Variants in IQCM observed in about 807,000 individuals in gnomAD.
IQCM encodes IQ domain-containing protein M.
A neutral mutation model predicts 57.6 loss-of-function variants in IQCM; 45 were observed. That is an observed-to-expected ratio of 0.78 (90% CI 0.62 to 1.00). IQCM has a LOEUF of 1.00. Among genes scored for constraint, IQCM ranks in the 50% least tolerant of loss-of-function variants. The pLI, the probability that IQCM is intolerant of heterozygous loss-of-function variation, is 0.00. For synonymous variants in IQCM, 148 were observed against 158.9 expected (o/e 0.93, Z 0.51); for missense variants, 468 against 511.6 (o/e 0.91, Z 0.82).
intron 8 of IQCM, among the ~76,000 whole-genome samples, chr4:149,613,141 G>A (rs1401218479): frequency 1.3e-5 from 2 of 151,936 alleles, no homozygotes; most frequent in African/African-American, 2.4e-5. Flanking sequence ...TTTATCAAAT[G>A]TAACCCATTA....
At chr4:149,669,702 C>T (rs1029498549) in intron 7 of IQCM, among the ~76,000 whole-genome samples, 6 of 152,214 alleles carry the variant, frequency 3.9e-5, no homozygotes, top group East Asian at 1.9e-4. Flanking sequence ...TATGGCTAGC[C>T]GGTTTTCCCA....
chr4:149,506,475 A>G (rs115814714), intron 12 of IQCM, among the ~76,000 whole-genome samples: 2 of 152,306 alleles, frequency 1.3e-5, no homozygotes, highest in Admixed American at 6.5e-5. Flanking sequence ...TTCCATGTCA[A>G]GTGATACTAT....
chr4:149,498,072 C>T (rs1391044923), intron 12 of IQCM, among the ~76,000 whole-genome samples: 3 of 152,066 alleles, frequency 2.0e-5, no homozygotes, highest in African/African-American at 7.2e-5. Flanking sequence ...CCACCATTAC[C>T]CTGTACCCAA....
At chr4:149,647,351 TA>T (rs565485788) in intron 7 of IQCM, among the ~76,000 whole-genome samples, 32 of 151,428 alleles carry the variant, frequency 2.1e-4, no homozygotes, top group African/African-American at 7.0e-4. Flanking sequence ...ATTTTTTTTT[TA>T]TTCTAAAGTA....
intron 12 of IQCM, among the ~76,000 whole-genome samples, chr4:149,484,380 T>C (rs1039467397): frequency 6.6e-6 from 1 of 151,974 alleles, no homozygotes; most frequent in Non-Finnish European, 1.5e-5. Flanking sequence ...GTCTTTTCTG[T>C]TTCCTTCACC....
At chr4:149,535,805 A>C (rs189856112) in intron 12 of IQCM, among the ~76,000 whole-genome samples, 1 of 152,076 alleles carries the variant, frequency 6.6e-6, no homozygotes, top group Admixed American at 6.6e-5. Flanking sequence ...TGGAGTAACA[A>C]CTCACATGAC....
At chr4:149,505,480 T>A in intron 12 of IQCM, among the ~76,000 whole-genome samples, 1 of 152,284 alleles carries the variant, frequency 6.6e-6, no homozygotes, top group African/African-American at 2.4e-5. Flanking sequence ...TCCCAAAACT[T>A]GTATTTTTTA....
chr4:149,416,915 G>A (rs1013552726), intron 13 of IQCM, among the ~76,000 whole-genome samples: 2 of 152,222 alleles, frequency 1.3e-5, no homozygotes, highest in South Asian at 2.1e-4. Context: ...GAGAGCTGAC[G>A]AAGCTGGATA....
At chr4:149,711,540 A>C (rs990592006) in intron 5 of IQCM, among the ~76,000 whole-genome samples, 12 of 152,208 alleles carry the variant, frequency 7.9e-5, no homozygotes, top group African/African-American at 2.9e-4. Context: ...GGAGATACTC[A>C]ATACAGGCCA....
In IQCM at chr4:149,450,837, C is replaced by T. The variant is rs530714399; in HGVS notation, c.1229-17280G>A. On this transcript the variant is annotated intron_variant, in intron 12 of 13. Coordinates refer to ENST00000636793, the MANE Select transcript of IQCM (RefSeq NM_001363507.2). Reference sequence around the variant, plus strand: ...AAAAACTAAAAATAAAGCTACCATACGATCTAGCAATCCCACTGCTGGGTA... The same window carrying T: ...AAAAACTAAAAATAAAGCTACCATATGATCTAGCAATCCCACTGCTGGGTA... 2.8e-4 allele frequency among the ~76,000 whole-genome samples: 42 copies of T among 151,786 alleles called. No homozygotes were observed. In the East Asian group the frequency reaches 3.5e-3, roughly 13 times the overall value.
intron 12 of IQCM, among the ~76,000 whole-genome samples, chr4:149,532,375 T>G (rs779501178): frequency 1.3e-5 from 2 of 152,136 alleles, no homozygotes; most frequent in Non-Finnish European, 2.9e-5. Context: ...AAATAATATT[T>G]CCCAAGAATC....
At chr4:149,619,459 T>C (rs1210279395) in intron 8 of IQCM, among the ~76,000 whole-genome samples, 1 of 151,932 alleles carries the variant, frequency 6.6e-6, no homozygotes, top group Non-Finnish European at 1.5e-5. Context: ...AACTGCACTA[T>C]CCCTAAATCT....
chr4:149,627,351 A>G (rs564428308), intron 7 of IQCM, among the ~76,000 whole-genome samples: 5 of 152,280 alleles, frequency 3.3e-5, no homozygotes, highest in African/African-American at 1.2e-4. Context: ...GATTTTTCTC[A>G]GGGCTGAGAA....
At chr4:149,369,288 C>T (rs931047838) in intron 13 of IQCM, among the ~76,000 whole-genome samples, 3 of 151,766 alleles carry the variant, frequency 2.0e-5, no homozygotes, top group Non-Finnish European at 4.4e-5. Flanking sequence ...AGGTGATCCT[C>T]CTGTCTTGGC....
At chr4:149,509,602 A>T (rs550298077) in intron 12 of IQCM, among the ~76,000 whole-genome samples, 1 of 152,220 alleles carries the variant, frequency 6.6e-6, no homozygotes, top group South Asian at 2.1e-4. Context: ...TCTGACATCA[A>T]GATATAATCT....
intron 13 of IQCM, among the ~76,000 whole-genome samples, chr4:149,359,254 C>G (rs933362019): frequency 2.0e-5 from 3 of 152,074 alleles, no homozygotes; most frequent in Admixed American, 1.3e-4. Context: ...TTTATTAACC[C>G]ATAGTGTGTT....
At chr4:149,582,506 G>A (rs1300823806) in intron 9 of IQCM, among the ~76,000 whole-genome samples, 1 of 150,790 alleles carries the variant, frequency 6.6e-6, no homozygotes, top group Non-Finnish European at 1.5e-5. Context: ...GAAAATCAGA[G>A]CAGTCCTTTG....
chr4:149,697,337 G>A (rs1763415962), intron 5 of IQCM, among the ~76,000 whole-genome samples: 1 of 152,004 alleles, frequency 6.6e-6, no homozygotes, highest in Non-Finnish European at 1.5e-5. Context: ...AATGGCACAT[G>A]TATACATATG....
chr4:149,576,648 A>C (rs1751689593), intron 9 of IQCM, among the ~76,000 whole-genome samples: 1 of 151,960 alleles, frequency 6.6e-6, no homozygotes, highest in Non-Finnish European at 1.5e-5. Context: ...TCCACCACTG[A>C]TGGACATTTA....
Sources: allele counts gnomAD v4.1 joint callset (sites outside exome capture counted in the v4.1 genomes callset), GRCh38; gene constraint gnomAD v4.1.1; transcripts MANE v1.5; gene names NCBI Gene and HGNC (gene_info 2026-07-23, HGNC 2026-07-21).